The following COBL variants were observed in gnomAD, a reference collection of about 807,000 sequenced individuals.
The protein encoded by COBL is protein cordon-bleu.
In COBL, 51 loss-of-function variants were observed where a neutral mutation model predicts 98.8. The ratio of observed to expected loss-of-function variants is 0.52; its 90% CI spans 0.41 to 0.65. The LOEUF is 0.65. Among genes scored for constraint, COBL ranks in the 30% least tolerant of loss-of-function variants. The pLI is 0.00. For missense variants in COBL, 1,617 were observed against 1,617.5 expected, an observed-to-expected ratio of 1.00 and a Z score of 0.01; for synonymous variants, 634 against 651.7, an observed-to-expected ratio of 0.97 and a Z score of 0.41.
chr7:51,111,752 G>A (rs181928507), intron 6 of COBL, among the ~76,000 whole-genome samples: 14 of 152,352 alleles, frequency 9.2e-5, no homozygotes, highest in African/African-American at 3.4e-4. Flanking sequence ...AATACCAGGA[G>A]GAGCTGTATC....
At chr7:51,113,331 T>C (rs1399356540) in intron 6 of COBL, among the ~76,000 whole-genome samples, 2 of 152,228 alleles carry the variant, frequency 1.3e-5, no homozygotes, top group Non-Finnish European at 2.9e-5. Context: ...CTATCAACTG[T>C]TAGAACTGTA....
intron 7 of COBL, among the ~76,000 whole-genome samples, chr7:51,060,518 G>C (rs893252388): frequency 6.8e-6 from 1 of 147,038 alleles, no homozygotes; most frequent in African/African-American, 2.6e-5. Context: ...CTCAGTTACA[G>C]GGTCAGAGAG....
At chr7:51,236,661 T>C (rs749186311) in intron 1 of COBL, among the ~76,000 whole-genome samples, 2 of 152,002 alleles carry the variant, frequency 1.3e-5, no homozygotes, top group Non-Finnish European at 2.9e-5. Flanking sequence ...TGGGTTGAAA[T>C]CCTAGGTCTG....
At chr7:51,164,711 A>G (rs192266160) in intron 5 of COBL, among the ~76,000 whole-genome samples, 1 of 152,238 alleles carries the variant, frequency 6.6e-6, no homozygotes, top group African/African-American at 2.4e-5. Flanking sequence ...AGAAAAACAC[A>G]GAATATGATA....
intron 8 of COBL, among the ~76,000 whole-genome samples, chr7:51,042,600 A>G (rs958918450): frequency 3.3e-5 from 5 of 152,174 alleles, no homozygotes; most frequent in African/African-American, 1.2e-4. Flanking sequence ...GGGCTCAAGC[A>G]ATCCTCCTGT....
intron 6 of COBL, among the ~76,000 whole-genome samples, chr7:51,132,709 A>G (rs2129002792): frequency 6.6e-6 from 1 of 152,332 alleles, no homozygotes; most frequent in East Asian, 1.9e-4. Context: ...CATAGACTGT[A>G]CGGGAAGCAG....
At chr7:51,290,659 A>C (rs946763520) in intron 1 of COBL, among the ~76,000 whole-genome samples, 2 of 151,990 alleles carry the variant, frequency 1.3e-5, no homozygotes, top group Non-Finnish European at 2.9e-5. Context: ...CCAGCTTCCC[A>C]CACAACCTCA....
chr7:51,270,284 T>TG (rs1798635249), intron 1 of COBL, among the ~76,000 whole-genome samples: 1 of 152,210 alleles, frequency 6.6e-6, no homozygotes, highest in South Asian at 2.1e-4. Flanking sequence ...AGACTGGCTC[T>TG]GAGGTGCTGA....
chr7:51,081,361 C>T (rs1793651628), intron 7 of COBL, among the ~76,000 whole-genome samples: 1 of 152,160 alleles, frequency 6.6e-6, no homozygotes, highest in South Asian at 2.1e-4. Context: ...GGCAAGAGGG[C>T]ACAAGGAGGA....
At chr7:51,275,611 G>A (rs1015079355) in intron 1 of COBL, among the ~76,000 whole-genome samples, 2 of 151,730 alleles carry the variant, frequency 1.3e-5, no homozygotes, top group Non-Finnish European at 2.9e-5. Context: ...CACCACCACC[G>A]CCACTGGCAT....
At chr7:51,048,313 T>C (rs1479053770) in intron 7 of COBL, among the ~76,000 whole-genome samples, 1 of 152,224 alleles carries the variant, frequency 6.6e-6, no homozygotes, top group Non-Finnish European at 1.5e-5. Flanking sequence ...TACATTTTAA[T>C]TGTGTTATAA....
chr7:51,085,110 A>G (rs777821204), intron 7 of COBL, 56 bp downstream of exon 7: 2 of 1,611,062 alleles, frequency 1.2e-6, no homozygotes, highest in Middle Eastern at 1.8e-4. Flanking sequence ...CAGAGCTGAC[A>G]TTCCAGGACA....
At chr7:51,282,611 C>A (rs945386699) in intron 1 of COBL, among the ~76,000 whole-genome samples, 2 of 151,968 alleles carry the variant, frequency 1.3e-5, no homozygotes, top group Non-Finnish European at 2.9e-5. Flanking sequence ...ACTTTTGAGA[C>A]AATACTCTCT....
chr7:51,256,082 C>T (rs987679943), intron 1 of COBL, among the ~76,000 whole-genome samples: 5 of 152,120 alleles, frequency 3.3e-5, no homozygotes, highest in Admixed American at 6.5e-5. Context: ...CCGTGTGGCT[C>T]AGCTGAGACC....
chr7:51,178,180 CTATA>C (rs557877738), intron 5 of COBL, among the ~76,000 whole-genome samples: 1 of 148,732 alleles, frequency 6.7e-6, no homozygotes, highest in Non-Finnish European at 1.5e-5. Flanking sequence ...CTCTCTCTCT[CTATA>C]TATATATATA....
intron 1 of COBL, among the ~76,000 whole-genome samples, chr7:51,233,679 A>AG (rs554410885): frequency 7.0e-4 from 107 of 152,316 alleles, no homozygotes; most frequent in African/African-American, 2.5e-3. Context: ...AACTCAACGG[A>AG]CTGTGAGAAT....
At chr7:51,290,572 A>G (rs950368925) in intron 1 of COBL, among the ~76,000 whole-genome samples, 7 of 152,082 alleles carry the variant, frequency 4.6e-5, no homozygotes, top group Admixed American at 6.5e-5. Flanking sequence ...GATGTGTGCT[A>G]TCTTTCTAAA....
At chr7:51,295,351 C>T (rs763874959) in intron 1 of COBL, among the ~76,000 whole-genome samples, 2 of 150,502 alleles carry the variant, frequency 1.3e-5, no homozygotes, top group Non-Finnish European at 2.9e-5. Context: ...CACATGTATA[C>T]CTACATAAAA....
intron 1 of COBL, among the ~76,000 whole-genome samples, chr7:51,245,749 T>G (rs1398849569): frequency 2.0e-5 from 3 of 152,182 alleles, no homozygotes; most frequent in African/African-American, 7.2e-5. Context: ...ACACAACTGT[T>G]TAGCTAAAAG....
Sources: gnomAD v4.1 joint callset for allele counts (sites outside exome capture counted in the v4.1 genomes callset) on GRCh38, gnomAD v4.1.1 for gene constraint, MANE v1.5 for transcripts, NCBI Gene and HGNC (gene_info 2026-07-23, HGNC 2026-07-21) for gene names.